The following TET3 variants were observed in gnomAD, a reference collection of about 807,000 sequenced individuals.
TET3 encodes tet methylcytosine dioxygenase 3, also known as methylcytosine dioxygenase TET3.
TET3 carries 19 observed loss-of-function variants against 141.4 expected under a neutral mutation model. That is an observed-to-expected ratio of 0.13 (90% CI 0.09 to 0.20). The LOEUF is 0.20. Ranked by LOEUF, TET3 falls within the 10% of genes least tolerant of loss-of-function variation. The pLI, the probability that TET3 is intolerant of heterozygous loss-of-function variation, is 1.00. For synonymous variants in TET3, 1,043 were observed against 980.9 expected (o/e 1.06, Z -1.18); for missense variants, 1,874 against 2,356.9 (o/e 0.80, Z 4.24).
chr2:74,010,002 T>C (rs1368483767), intron 3 of TET3, among the ~76,000 whole-genome samples: 1 of 152,258 alleles, frequency 6.6e-6, no homozygotes, highest in South Asian at 2.1e-4. Flanking sequence ...TGCTACCTGA[T>C]GGTTGAGCTG....
the TET3 span, chr2:74,121,503 C>T: frequency 4.6e-5 from 7 of 152,192 alleles, no homozygotes; most frequent in Non-Finnish European, 1.0e-4. Context: ...CATCTGAGGA[C>T]TACACTCTGC....
chr2:74,118,193 TTTCA>T, the TET3 span, among the ~76,000 whole-genome samples: 1 of 152,272 alleles, frequency 6.6e-6, no homozygotes, highest in African/African-American at 2.4e-5. Flanking sequence ...TTCACGTGTC[TTTCA>T]TTGTGTTTAG....
intron 4 of TET3, among the ~76,000 whole-genome samples, chr2:74,056,958 C>T (rs977168551): frequency 6.6e-6 from 1 of 152,166 alleles, no homozygotes; most frequent in South Asian, 2.1e-4. Flanking sequence ...TGGGAGACCA[C>T]CATCTAGAAG....
chr2:74,083,361 A>G (rs1689939385), intron 6 of TET3, among the ~76,000 whole-genome samples: 1 of 152,222 alleles, frequency 6.6e-6, no homozygotes, highest in Admixed American at 6.5e-5. Flanking sequence ...AGAGATCAGA[A>G]GGCAGGTACT....
rs1398843440 is a variant in TET3 at position 74,046,626 on chromosome 2, A to C, written c.709A>C (p.Arg237=). ...EMSREAGNNS[R]GPRPGPEGCS... ...GAGTCGTGAGGCTGGGAACAACAGC[A>C]GGGGACCCCGGCCAGGGCCTGAGGG... The change falls in exon 4 of 12, where the codon AGG becomes CGG. Residue 237 remains arginine (R), a synonymous_variant. Coordinates refer to ENST00000409262, the MANE Select transcript of TET3 (RefSeq NM_001287491.2). The surrounding 1 kb of genome is among the most constrained non-coding windows in gnomAD (Gnocchi z 4.3). 16 of 1,614,072 alleles carry C rather than the reference A, an allele frequency of 9.9e-6. No individual in the cohort carries two copies. The highest frequency in any genetic ancestry group is 1.4e-5 in the Non-Finnish European group (16 of 1,179,896).
chr2:74,065,914 A>G (rs1406189870), intron 4 of TET3, among the ~76,000 whole-genome samples: 5 of 151,882 alleles, frequency 3.3e-5, no homozygotes, highest in Non-Finnish European at 5.9e-5. Context: ...ACCCGCCACC[A>G]TGCCAGCTAA....
chr2:74,047,553 A>C lies in TET3; in HGVS notation c.1636A>C (p.Thr546Pro). The C allele has an allele frequency of 1.9e-6, 3 of 1,613,526 alleles. No individual in the cohort carries two copies. Among genetic ancestry groups the C allele is most frequent in the South Asian group, 2.2e-5 (2 of 91,056 alleles). Residue 546 changes from threonine (T) to proline (P), a missense_variant, in exon 4 of 12, where the codon ACC becomes CCC. Coordinates refer to ENST00000409262, the MANE Select transcript of TET3 (RefSeq NM_001287491.2). ...RSLFLEQVHDTSFPAPSEPSA... is the reference protein window; with the variant it reads ...RSLFLEQVHDPSFPAPSEPSA... ...CCTCTTCCTAGAACAGGTGCACGACACCTCCTTCCCTGCTCCTTCAGAGCC... is the reference window on the plus strand; with the variant it reads ...CCTCTTCCTAGAACAGGTGCACGACCCCTCCTTCCCTGCTCCTTCAGAGCC...
At chr2:74,039,794 ACTC>A (rs1431370419) in intron 3 of TET3, among the ~76,000 whole-genome samples, 1 of 151,856 alleles carries the variant, frequency 6.6e-6, no homozygotes, top group African/African-American at 2.4e-5. Flanking sequence ...ATGTCAGCTG[ACTC>A]CTCCATGTGG....
At chr2:74,132,811 G>A in the TET3 span, among the ~76,000 whole-genome samples, 3 of 152,188 alleles carry the variant, frequency 2.0e-5, no homozygotes, top group Admixed American at 2.0e-4. Context: ...AGCAGATGAA[G>A]GGGAGACCCA....
rs1683919908 is a variant in TET3, at chr2:73,984,932, G to A, written c.-650G>A. Among the ~76,000 whole-genome samples, 1 of 147,050 alleles carries A rather than the reference G, an allele frequency of 6.8e-6. No individual in the cohort carries two copies. The highest frequency in any genetic ancestry group is 6.7e-5 in the Admixed American group (1 of 14,864). The stretch of plus-strand genomic sequence containing the variant: ...GGGGAGTCCCGCGGACGCCTTCATT[G>A]CTGCTGCTGCTGCCGCCGCGGCCGC... On this transcript the variant is annotated 5_prime_UTR_variant, in exon 1 of 12. Coordinates refer to ENST00000409262, the MANE Select transcript of TET3 (RefSeq NM_001287491.2). This position sits in a 1 kb window ranked among gnomAD's most constrained non-coding sequence, Gnocchi z 5.6.
intron 3 of TET3, among the ~76,000 whole-genome samples, chr2:74,043,001 G>A (rs763155777): frequency 1.3e-5 from 2 of 152,120 alleles, no homozygotes; most frequent in Admixed American, 1.3e-4. Flanking sequence ...GCCCTTCCTT[G>A]TTCTTATTCA....
chr2:74,133,072 A>AT, the TET3 span, among the ~76,000 whole-genome samples: 922 of 105,124 alleles, frequency 8.8e-3, 10 homozygotes, highest in African/African-American at 0.021. Flanking sequence ...TAATTTTTGT[A>AT]TTTTTTTTTT....
intron 7 of TET3, 142 bp from the exon 8 acceptor site, chr2:74,089,755 T>TG: frequency 9.0e-7 from 1 of 1,116,316 alleles, no homozygotes; most frequent in East Asian, 2.4e-5. Flanking sequence ...AGAAAGGGGT[T>TG]GGGGGTGGGG....
the TET3 span, among the ~76,000 whole-genome samples, chr2:74,120,038 A>ACT: frequency 2.0e-5 from 3 of 152,316 alleles, no homozygotes; most frequent in Admixed American, 2.0e-4. Context: ...AAGACGTACT[A>ACT]GTGGCCCCTG....
chr2:74,112,828 C>T (rs1691734058), downstream of TET3, among the ~76,000 whole-genome samples: 1 of 151,326 alleles, frequency 6.6e-6, no homozygotes, highest in African/African-American at 2.4e-5. Flanking sequence ...CGGTGAAAGC[C>T]CGTCTCTACC....
At chr2:74,135,414 C>T in the TET3 span, 1 of 1,061,928 alleles carries the variant, frequency 9.4e-7, no homozygotes, top group Non-Finnish European at 1.4e-6. Context: ...CCTTCAAAAG[C>T]TTCAGTTGTT....
At chr2:73,988,989 AGTTTTTTTT>A (rs1248483220) in intron 2 of TET3, among the ~76,000 whole-genome samples, 1 of 128,888 alleles carries the variant, frequency 7.8e-6, no homozygotes, top group African/African-American at 3.5e-5. Flanking sequence ...AAAAAAAAAA[AGTTTTTTTT>A]GTTTTTTTTT....
rs1480731756 is a variant in TET3 at position 74,100,868 on chromosome 2, G to A, written c.4080G>A (p.Ala1360=). The A allele has an allele frequency of 1.4e-5, 23 of 1,610,786 alleles. No individual in the cohort carries two copies. The highest frequency in any genetic ancestry group is 2.2e-5 in the East Asian group (1 of 44,724). ...HHPTPHHQQP[A]YPGPKEYLLP... is the part of the protein sequence containing the mutation. ...CCACTCCTCACCACCAGCAGCCTGC[G>A]TACCCAGGCCCCAAGGAGTATCTGC... The change falls in exon 12 of 12, where the codon GCG becomes GCA. Residue 1360 remains alanine, a synonymous_variant. Transcript: ENST00000409262.
At chr2:74,042,519 C>T (rs542216413) in intron 3 of TET3, among the ~76,000 whole-genome samples, 2 of 152,140 alleles carry the variant, frequency 1.3e-5, no homozygotes, top group African/African-American at 4.8e-5. Flanking sequence ...ACATTAACAC[C>T]ATATAGGCAA....
Sources: gnomAD v4.1 joint callset for allele counts (sites outside exome capture counted in the v4.1 genomes callset) on GRCh38, gnomAD v4.1.1 for gene constraint, Gnocchi (gnomAD v3.1) non-coding constraint, MANE v1.5 for transcripts, NCBI Gene and HGNC (gene_info 2026-07-23, HGNC 2026-07-21) for gene names.